Variants in GALNT10 observed in about 807,000 individuals in gnomAD.
GALNT10 encodes GalNAc transferase 10.
A neutral mutation model predicts 75.0 loss-of-function variants in GALNT10; 41 were observed. That is an observed-to-expected ratio of 0.55 (90% CI 0.43 to 0.71). The LOEUF (loss-of-function observed/expected upper bound fraction) is 0.71, where lower values mean the gene tolerates loss of function less well. GALNT10 is among the 30% of genes least tolerant of loss of function. The probability of loss-of-function intolerance (pLI) is 0.00; values close to 1 mark genes in which losing one functional copy is unlikely to be tolerated. For missense variants in GALNT10, 727 were observed against 818.5 expected (o/e 0.89, Z 1.36); for synonymous variants, 302 against 313.0 (o/e 0.96, Z 0.37).
chr5:154,325,504 A>G (rs891484937), intron 3 of GALNT10, among the ~76,000 whole-genome samples: 5 of 152,202 alleles, frequency 3.3e-5, no homozygotes, highest in African/African-American at 1.2e-4. Flanking sequence ...TATATAAGAA[A>G]GTTTATACAC....
intron 5 of GALNT10, among the ~76,000 whole-genome samples, chr5:154,377,182 G>A (rs1755662140): frequency 6.6e-6 from 1 of 152,196 alleles, no homozygotes; most frequent in Non-Finnish European, 1.5e-5. Context: ...ACTGGAGGCT[G>A]GGTGAAACAT....
intron 7 of GALNT10, among the ~76,000 whole-genome samples, chr5:154,396,542 C>G (rs1402466763): frequency 6.6e-6 from 1 of 152,142 alleles, no homozygotes; most frequent in Non-Finnish European, 1.5e-5. Context: ...CTGCCTAGTT[C>G]TGACCCAACC....
intron 1 of GALNT10, among the ~76,000 whole-genome samples, chr5:154,254,929 T>C (rs1753584116): frequency 6.6e-6 from 1 of 152,106 alleles, no homozygotes; most frequent in South Asian, 2.1e-4. Flanking sequence ...CATGTCTGCT[T>C]TTTTCCTTCA....
intron 1 of GALNT10, among the ~76,000 whole-genome samples, chr5:154,216,436 A>AT (rs1017656739): frequency 2.6e-5 from 4 of 151,982 alleles, no homozygotes; most frequent in South Asian, 2.1e-4. Flanking sequence ...AATTAAAAAG[A>AT]TTTTTTTTAG....
intron 6 of GALNT10, among the ~76,000 whole-genome samples, chr5:154,380,865 A>C (rs1665178911): frequency 6.6e-6 from 1 of 152,116 alleles, no homozygotes; most frequent in African/African-American, 2.4e-5. Context: ...ACTTCTGCAC[A>C]GTTTGCCAGG....
intron 7 of GALNT10, among the ~76,000 whole-genome samples, chr5:154,391,621 A>G (rs1476543582): frequency 2.0e-5 from 3 of 152,052 alleles, no homozygotes; most frequent in Non-Finnish European, 2.9e-5. Flanking sequence ...CTCTTATCCC[A>G]TTGCATTAGT....
chr5:154,322,913 A>G (rs1378810948), intron 3 of GALNT10, among the ~76,000 whole-genome samples: 3 of 152,230 alleles, frequency 2.0e-5, no homozygotes, highest in Non-Finnish European at 4.4e-5. Flanking sequence ...GAACTCTGGT[A>G]TCATTTATTC....
At chr5:154,327,092 A>G (rs114859520) in intron 3 of GALNT10, among the ~76,000 whole-genome samples, 3,427 of 152,074 alleles carry the variant, frequency 0.023, 113 homozygotes, top group African/African-American at 0.078. Context: ...GGTGGCGTGC[A>G]CCTGTAGTCC....
At chr5:154,294,519 T>C (rs1754245665) in intron 1 of GALNT10, among the ~76,000 whole-genome samples, 3 of 152,218 alleles carry the variant, frequency 2.0e-5, no homozygotes. Context: ...TTCTGTTGGG[T>C]AGCACCACAC....
intron 7 of GALNT10, among the ~76,000 whole-genome samples, chr5:154,401,095 G>A (rs990014935): frequency 6.6e-5 from 10 of 152,296 alleles, no homozygotes; most frequent in African/African-American, 7.2e-5. Flanking sequence ...CAAGCCTCCC[G>A]ACATATCAGG....
intron 3 of GALNT10, among the ~76,000 whole-genome samples, chr5:154,307,589 C>T (rs1354002187): frequency 6.7e-6 from 1 of 149,250 alleles, no homozygotes; most frequent in Non-Finnish European, 1.5e-5. Flanking sequence ...CACTGCACTC[C>T]AGCCTGGGCG....
At chr5:154,372,700 G>A (rs937233129) in intron 4 of GALNT10, among the ~76,000 whole-genome samples, 1 of 152,256 alleles carries the variant, frequency 6.6e-6, no homozygotes, top group Admixed American at 6.5e-5. Flanking sequence ...AGGGGTGAGG[G>A]AGCTCCGGGG....
chr5:154,232,233 C>T (rs1365881198), intron 1 of GALNT10, among the ~76,000 whole-genome samples: 2 of 152,222 alleles, frequency 1.3e-5, no homozygotes, highest in South Asian at 4.1e-4. Flanking sequence ...CTTTTATTTT[C>T]ATCCTTAATA....
intron 3 of GALNT10, among the ~76,000 whole-genome samples, chr5:154,311,227 G>A (rs760682052): frequency 1.3e-4 from 20 of 152,128 alleles, no homozygotes; most frequent in Non-Finnish European, 2.5e-4. Flanking sequence ...ACCATTTGTC[G>A]AGTGCTCCTA....
intron 4 of GALNT10, among the ~76,000 whole-genome samples, chr5:154,365,990 G>C (rs1755468760): frequency 6.6e-6 from 1 of 152,130 alleles, no homozygotes; most frequent in Non-Finnish European, 1.5e-5. Flanking sequence ...GCACTGACTT[G>C]TCCAGGAAGG....
At chr5:154,211,360 T>G (rs530839567) in intron 1 of GALNT10, among the ~76,000 whole-genome samples, 1 of 152,348 alleles carries the variant, frequency 6.6e-6, no homozygotes, top group South Asian at 2.1e-4. Context: ...TCTTTTTCCC[T>G]TGGTGATTTT....
intron 1 of GALNT10, among the ~76,000 whole-genome samples, chr5:154,196,202 C>G (rs573329396): frequency 1.3e-5 from 2 of 152,248 alleles, no homozygotes; most frequent in African/African-American, 4.8e-5. Flanking sequence ...GGATTACAGG[C>G]GTGAGCCACC....
intron 1 of GALNT10, among the ~76,000 whole-genome samples, chr5:154,193,912 A>C (rs1394308565): frequency 6.6e-6 from 1 of 152,248 alleles, no homozygotes; most frequent in East Asian, 1.9e-4. Context: ...GGATTTCAGC[A>C]GTCATCTGGT....
chr5:154,415,096 A>G (rs529117107), intron 10 of GALNT10, among the ~76,000 whole-genome samples: 37 of 152,310 alleles, frequency 2.4e-4, no homozygotes, highest in African/African-American at 8.2e-4. Context: ...GCACTCCAGC[A>G]TGGACAACAA....
Sources: gnomAD v4.1 joint callset for allele counts (sites outside exome capture counted in the v4.1 genomes callset) on GRCh38, gnomAD v4.1.1 for gene constraint, MANE v1.5 for transcripts, NCBI Gene and HGNC (gene_info 2026-07-23, HGNC 2026-07-21) for gene names.